The following ENTREP3 variants were observed in gnomAD, a reference collection of about 807,000 sequenced individuals.
ENTREP3 encodes protein ENTREP3.
the ENTREP3 span, chr1:155,248,550 C>T: frequency 7.5e-7 from 1 of 1,332,144 alleles, no homozygotes; most frequent in South Asian, 1.2e-5. Flanking sequence ...TGTGGGAACT[C>T]AAGCCCAGAG....
the ENTREP3 span, chr1:155,251,986 T>A: frequency 9.8e-7 from 1 of 1,025,436 alleles, no homozygotes; most frequent in Non-Finnish European, 1.4e-6. Context: ...CTCTCTCATC[T>A]ACATTATTTT....
chr1:155,251,720 C>T, the ENTREP3 span: 3 of 1,612,856 alleles, frequency 1.9e-6, no homozygotes, highest in Non-Finnish European at 2.5e-6. Flanking sequence ...AGCAAGACCC[C>T]ACCAGGCCTT....
chr1:155,250,419 G>A, the ENTREP3 span: 4 of 1,499,900 alleles, frequency 2.7e-6, no homozygotes, highest in Admixed American at 2.2e-5. This position sits in a 1 kb window ranked among gnomAD's most constrained non-coding sequence, Gnocchi z 5.4. Context: ...CGGGGCTCGG[G>A]TGGGCGGGGC....
the ENTREP3 span, chr1:155,250,498 G>T: frequency 6.7e-7 from 1 of 1,495,696 alleles, no homozygotes; most frequent in South Asian, 1.3e-5. The surrounding 1 kb of genome is among the most constrained non-coding windows in gnomAD (Gnocchi z 5.4). Context: ...CCCACCCAGG[G>T]CGGCCAGCCC....
chr1:155,247,223 GA>G, the ENTREP3 span: 1 of 334,318 alleles, frequency 3.0e-6, no homozygotes, highest in African/African-American at 2.2e-5. Flanking sequence ...AAAACAAGGG[GA>G]AAACTGAAAT....
chr1:155,250,996 C>T, the ENTREP3 span: 1 of 1,328,452 alleles, frequency 7.5e-7, no homozygotes, highest in Non-Finnish European at 1.1e-6. This position sits in a 1 kb window ranked among gnomAD's most constrained non-coding sequence, Gnocchi z 5.4. Flanking sequence ...TGTCCCCAAA[C>T]CACCAACTCC....
At chr1:155,253,769 G>C in the ENTREP3 span, 1 of 1,606,028 alleles carries the variant, frequency 6.2e-7, no homozygotes, top group Non-Finnish European at 8.5e-7. Context: ...TCAGGAGACG[G>C]CTAAGTTCCA....
At chr1:155,255,004 G>A in the ENTREP3 span, 7 of 731,338 alleles carry the variant, frequency 9.6e-6, no homozygotes, top group South Asian at 1.3e-4. This position sits in a 1 kb window ranked among gnomAD's most constrained non-coding sequence, Gnocchi z 5.6. Context: ...CCCTGGCTGG[G>A]TCCCCTGGGG....
chr1:155,247,931 G>A, the ENTREP3 span: 1 of 1,599,814 alleles, frequency 6.3e-7, no homozygotes, highest in East Asian at 2.2e-5. Context: ...TCTCGGCCAG[G>A]CCGGCCCCAC....
At chr1:155,248,801 G>A in the ENTREP3 span, among the ~76,000 whole-genome samples, 30 of 151,660 alleles carry the variant, frequency 2.0e-4, no homozygotes, top group African/African-American at 6.8e-4. Context: ...TGCAACCTCC[G>A]CCTCCCAGGT....
At chr1:155,254,368 C>T in the ENTREP3 span, 2 of 1,610,674 alleles carry the variant, frequency 1.2e-6, no homozygotes, top group Non-Finnish European at 1.7e-6. This position sits in a 1 kb window ranked among gnomAD's most constrained non-coding sequence, Gnocchi z 4.4. Context: ...TGGGCACCTG[C>T]CTCCCAGTGG....
chr1:155,247,665 G>A, the ENTREP3 span: 1 of 973,412 alleles, frequency 1.0e-6, no homozygotes, highest in Non-Finnish European at 1.6e-6. Context: ...GGACACTTTG[G>A]GGGGTATACA....
At chr1:155,251,825 G>A in the ENTREP3 span, 48 of 1,568,882 alleles carry the variant, frequency 3.1e-5, no homozygotes, top group Non-Finnish European at 4.1e-5. Context: ...GGTCCAGCAT[G>A]GTGTGTAGGA....
the ENTREP3 span, chr1:155,254,672 G>A: frequency 6.8e-6 from 11 of 1,609,222 alleles, no homozygotes; most frequent in Admixed American, 3.3e-5. The surrounding 1 kb of genome is among the most constrained non-coding windows in gnomAD (Gnocchi z 4.4). Context: ...AGCCCAAGAC[G>A]GGCAGGACCT....
chr1:155,248,551 A>C, the ENTREP3 span: 4 of 1,307,116 alleles, frequency 3.1e-6, no homozygotes, highest in Non-Finnish European at 3.3e-6. Context: ...GTGGGAACTC[A>C]AGCCCAGAGG....
At chr1:155,254,074 C>T in the ENTREP3 span, 1 of 1,613,828 alleles carries the variant, frequency 6.2e-7, no homozygotes, top group Non-Finnish European at 8.5e-7. This position sits in a 1 kb window ranked among gnomAD's most constrained non-coding sequence, Gnocchi z 4.4. Context: ...TCTCCCTCCT[C>T]AAATCTCACC....
the ENTREP3 span, chr1:155,250,905 C>A: frequency 1.4e-6 from 2 of 1,388,418 alleles, no homozygotes; most frequent in Non-Finnish European, 1.9e-6. This position sits in a 1 kb window ranked among gnomAD's most constrained non-coding sequence, Gnocchi z 5.4. Context: ...CCAAGCCCAG[C>A]CTCTAGGGGC....
the ENTREP3 span, chr1:155,254,595 G>T: frequency 6.4e-7 from 1 of 1,569,002 alleles, no homozygotes; most frequent in South Asian, 1.1e-5. This position sits in a 1 kb window ranked among gnomAD's most constrained non-coding sequence, Gnocchi z 4.4. Context: ...CTTGCAGCTG[G>T]TGTGGAGGGT....
the ENTREP3 span, chr1:155,254,812 G>C: frequency 3.1e-6 from 5 of 1,610,114 alleles, no homozygotes; most frequent in Non-Finnish European, 3.4e-6. This position sits in a 1 kb window ranked among gnomAD's most constrained non-coding sequence, Gnocchi z 4.4. Context: ...GGCGGAGGTG[G>C]GTAAGGCCCC....
Sources: allele counts gnomAD v4.1 joint callset (sites outside exome capture counted in the v4.1 genomes callset), GRCh38; gene constraint gnomAD v4.1.1; non-coding constraint Gnocchi (gnomAD v3.1); transcripts MANE v1.5; gene names NCBI Gene and HGNC (gene_info 2026-07-23, HGNC 2026-07-21).